Variants in FANCC observed in about 807,000 individuals in gnomAD.
FANCC encodes the protein Fanconi anemia group C protein.
Under a neutral mutation model 71.3 loss-of-function variants are expected in FANCC, and 55 were observed. The observed-to-expected ratio is 0.77, with a 90% CI of 0.62 to 0.97. FANCC has a LOEUF of 0.97. Ranked by LOEUF, FANCC falls within the 50% of genes least tolerant of loss-of-function variation. The pLI is 0.00. For missense variants in FANCC, 678 were observed against 670.9 expected, an observed-to-expected ratio of 1.01 and a Z score of -0.12; for synonymous variants, 275 against 244.9, an observed-to-expected ratio of 1.12 and a Z score of -1.15.
intron 6 of FANCC, among the ~76,000 whole-genome samples, chr9:95,165,880 A>C (rs1831036697): frequency 6.6e-6 from 1 of 151,910 alleles, no homozygotes; most frequent in Non-Finnish European, 1.5e-5. Flanking sequence ...GGGGTGGTGA[A>C]ATCTATTATT....
At chr9:95,317,428 T>G (rs1408056644) in intron 1 of FANCC, 98 bp downstream of exon 1, 1 of 152,724 alleles carries the variant, frequency 6.5e-6, no homozygotes, top group Non-Finnish European at 1.5e-5. Context: ...CCTTCCCTCT[T>G]GCCCCTCGCC....
chr9:95,171,156 A>G lies in FANCC; in HGVS notation c.457-13T>C. 3.1e-6 allele frequency: 5 copies of G among 1,608,148 alleles called. No individual in the cohort carries two copies. The South Asian group carries it at 4.4e-5, about 14-fold the overall frequency. ...ATGATAAAACCATCTGTAAAACAAA[A>G]TCAGTTGCAGGTTAACTCACGCTGC... is the stretch of plus-strand genomic sequence containing the variant. On this transcript the variant is annotated splice_polypyrimidine_tract_variant and intron_variant, in intron 5 of 14. Coordinates refer to ENST00000289081, the MANE Select transcript of FANCC (RefSeq NM_000136.3).
chr9:95,153,074 T>C (rs117268318), intron 6 of FANCC, among the ~76,000 whole-genome samples: 2,335 of 152,340 alleles, frequency 0.015, 27 homozygotes, highest in Non-Finnish European at 0.023. Context: ...TGTGTACTCA[T>C]AGCTTAGCTC....
chr9:95,208,570 A>T (rs918325009), intron 4 of FANCC, among the ~76,000 whole-genome samples: 4 of 152,258 alleles, frequency 2.6e-5, no homozygotes, highest in African/African-American at 9.6e-5. Context: ...CTTGATTAAA[A>T]AATGCACCAA....
chr9:95,118,199 A>C (rs190469509), intron 10 of FANCC, among the ~76,000 whole-genome samples: 2 of 152,010 alleles, frequency 1.3e-5, no homozygotes, highest in Admixed American at 1.3e-4. Flanking sequence ...TTGCATTTTT[A>C]GTGGAGATGG....
Position 95,099,589 on chromosome 9 carries a change from T to C in FANCC, c.*2118A>G. On this transcript the variant is annotated 3_prime_UTR_variant, in exon 15 of 15. Coordinates refer to ENST00000289081, the MANE Select transcript of FANCC (RefSeq NM_000136.3). ...GTGGAGGGAATGGCCGAGGGGTGGC[T>C]CCCCCAGCTCCCCACCTTTGAGCAT... 4.4e-6 allele frequency: 1 copy of C among 229,062 alleles called. No individual in the cohort carries two copies. Among genetic ancestry groups the C allele is most frequent in the Non-Finnish European group, 8.6e-6 (1 of 116,222 alleles). The allele number at this position is 229,062 out of a possible 1,614,324, so 14.2% of individuals were successfully genotyped here.
chr9:95,111,312 C>T (rs2071907256), intron 13 of FANCC, 151 bp downstream of exon 13: 1 of 1,591,838 alleles, frequency 6.3e-7, no homozygotes, highest in Non-Finnish European at 8.5e-7. Context: ...GGCTGGAGAT[C>T]ACCATGCCTG....
intron 1 of FANCC, among the ~76,000 whole-genome samples, chr9:95,271,927 CTTTTTTTTTTTTT>C (rs869093626): frequency 9.9e-5 from 5 of 50,480 alleles, no homozygotes; most frequent in Non-Finnish European, 1.1e-4. Flanking sequence ...CAAGCCTCTT[CTTTTTTTTTTTTT>C]TTTTTTTTTT....
chr9:95,205,772 CA>C (rs922988541), intron 4 of FANCC, among the ~76,000 whole-genome samples: 2 of 151,768 alleles, frequency 1.3e-5, no homozygotes, highest in Non-Finnish European at 2.9e-5. Flanking sequence ...ATAAAAGCTT[CA>C]AAAAAATGGA....
chr9:95,230,395 T>G (rs1469130006), intron 4 of FANCC, among the ~76,000 whole-genome samples: 1 of 152,222 alleles, frequency 6.6e-6, no homozygotes, highest in Non-Finnish European at 1.5e-5. Context: ...GGCCCATGGA[T>G]GAATAAAGAA....
At position 95,185,169 on chromosome 9, in the gene FANCC, G is replaced by T. The variant is rs1826634860; in HGVS notation, c.346-13022C>A. Among the ~76,000 whole-genome samples, 8 of 152,262 alleles carry T rather than the reference G, an allele frequency of 5.3e-5. No homozygotes were observed. The South Asian group carries it at 1.7e-3, about 32-fold the overall frequency. On this transcript the variant is annotated intron_variant, in intron 4 of 14. Coordinates refer to ENST00000289081, the MANE Select transcript of FANCC (RefSeq NM_000136.3). The stretch of plus-strand genomic sequence containing the variant: ...TATTTGGAATTTTGTAAGATAAAAA[G>T]TATTTCAGTCTCCTATTTCTTTGTA...
At chr9:95,140,800 C>G (rs563027708) in intron 7 of FANCC, among the ~76,000 whole-genome samples, 24 of 152,232 alleles carry the variant, frequency 1.6e-4, no homozygotes, top group African/African-American at 5.8e-4. Context: ...CTGATCTAAG[C>G]AATGCATCAT....
At chr9:95,129,912 T>C (rs1034553837) in intron 8 of FANCC, among the ~76,000 whole-genome samples, 1 of 152,162 alleles carries the variant, frequency 6.6e-6, no homozygotes, top group Admixed American at 6.5e-5. Flanking sequence ...AACAAGAGCT[T>C]TCCCTCTGAT....
chr9:95,299,649 C>T (rs925615513), intron 1 of FANCC, among the ~76,000 whole-genome samples: 1 of 152,250 alleles, frequency 6.6e-6, no homozygotes, highest in South Asian at 2.1e-4. Flanking sequence ...TCGCTTGAGT[C>T]CAGGAGTTCG....
At chr9:95,259,738 C>T (rs1368783656) in intron 1 of FANCC, among the ~76,000 whole-genome samples, 1 of 152,162 alleles carries the variant, frequency 6.6e-6, no homozygotes, top group Non-Finnish European at 1.5e-5. Flanking sequence ...AAGAAACTAT[C>T]ATTAGAGTGA....
At chr9:95,133,790 G>T (rs929996914) in intron 8 of FANCC, among the ~76,000 whole-genome samples, 1 of 152,196 alleles carries the variant, frequency 6.6e-6, no homozygotes, top group Non-Finnish European at 1.5e-5. Context: ...ATCCTAGTAT[G>T]CACATGTAAG....
At chr9:95,247,023 AGT>A (rs1331127051) in intron 3 of FANCC, among the ~76,000 whole-genome samples, 1 of 152,196 alleles carries the variant, frequency 6.6e-6, no homozygotes, top group Non-Finnish European at 1.5e-5. Flanking sequence ...CATGGGAAAG[AGT>A]GTGTGAGTTA....
rs150462386 is a variant in FANCC at position 95,101,040 on chromosome 9, G to A, written c.*667C>T. 1.0e-3 allele frequency: 238 copies of A among 233,942 alleles called. No individual in the cohort carries two copies. The highest frequency in any genetic ancestry group is 2.6e-3 in the Middle Eastern group (2 of 784). The allele number at this position is 233,942 out of a possible 1,614,324, so 14.5% of individuals were successfully genotyped here. ...TTTCTGGAACACATCCTCTACCTTCGCCTGCCGGCTCCTCTGATGTCCCAA... is the reference window on the plus strand; with the variant it reads ...TTTCTGGAACACATCCTCTACCTTCACCTGCCGGCTCCTCTGATGTCCCAA... On this transcript the variant is annotated 3_prime_UTR_variant, in exon 15 of 15. Transcript: ENST00000289081.
Position 95,176,836 on chromosome 9 carries a change from T to C in FANCC, c.346-4689A>G, listed in dbSNP as rs4647493. The stretch of plus-strand genomic sequence containing the variant: ...AACAGCTAAGGGTCAGTTAAGATTG[T>C]AGATGTTAAACAAAACCATGCCCAG... On this transcript the variant is annotated intron_variant, in intron 4 of 14. Coordinates refer to ENST00000289081, the MANE Select transcript of FANCC (RefSeq NM_000136.3). 4.5e-3 allele frequency among the ~76,000 whole-genome samples: 690 copies of C among 152,304 alleles called. 8 individuals carry two copies. The highest frequency in any genetic ancestry group is 0.044 in the East Asian group (226 of 5,178).
Sources: allele counts gnomAD v4.1 joint callset (sites outside exome capture counted in the v4.1 genomes callset), GRCh38; gene constraint gnomAD v4.1.1; transcripts MANE v1.5; gene names NCBI Gene and HGNC (gene_info 2026-07-23, HGNC 2026-07-21).